SETBP1: variants seen among roughly 807,000 people sequenced by gnomAD.
The protein encoded by SETBP1 is SET binding protein 1, also known as SET-binding protein.
In SETBP1, 9 loss-of-function variants were observed where a neutral mutation model predicts 101.0. The ratio of observed to expected loss-of-function variants is 0.09; its 90% CI spans 0.05 to 0.16. SETBP1 has a LOEUF of 0.16. SETBP1 is among the 10% of genes least tolerant of loss of function. SETBP1 has a pLI of 1.00. For missense variants in SETBP1, 1,858 were observed against 2,033.8 expected, an observed-to-expected ratio of 0.91 and a Z score of 1.66; for synonymous variants, 818 against 788.5, an observed-to-expected ratio of 1.04 and a Z score of -0.63.
intron 3 of SETBP1, among the ~76,000 whole-genome samples, chr18:44,886,714 G>A (rs563011824): frequency 9.1e-4 from 137 of 150,880 alleles, no homozygotes; most frequent in South Asian, 4.2e-3. Flanking sequence ...CATTAGTTTG[G>A]CAATCACTTC....
At chr18:44,759,385 TC>T (rs796378022) in intron 2 of SETBP1, among the ~76,000 whole-genome samples, 1 of 152,158 alleles carries the variant, frequency 6.6e-6, no homozygotes, top group South Asian at 2.1e-4. Context: ...GCATAATCCC[TC>T]CCTGAAACCT....
At chr18:44,847,287 C>G (rs2072743901) in intron 2 of SETBP1, among the ~76,000 whole-genome samples, 1 of 152,216 alleles carries the variant, frequency 6.6e-6, no homozygotes, top group African/African-American at 2.4e-5. Context: ...CCAGAAGACA[C>G]TCAGGTCATG....
chr18:44,918,395 G>C (rs566408131), intron 3 of SETBP1, among the ~76,000 whole-genome samples: 1 of 152,292 alleles, frequency 6.6e-6, no homozygotes, highest in South Asian at 2.1e-4. Context: ...AGGCTTCCTC[G>C]GCAGCGGCCT....
chr18:44,881,997 G>A (rs1047471152), intron 3 of SETBP1, among the ~76,000 whole-genome samples: 2 of 152,154 alleles, frequency 1.3e-5, no homozygotes, highest in Non-Finnish European at 2.9e-5. Context: ...TGGGCGGAGA[G>A]ACTTGCCAAG....
chr18:44,938,006 C>T (rs1028497357), intron 3 of SETBP1, among the ~76,000 whole-genome samples: 5 of 152,210 alleles, frequency 3.3e-5, no homozygotes, highest in Non-Finnish European at 5.9e-5. Flanking sequence ...GATATTGTTT[C>T]GTCCTCAGCA....
At position 44,950,905 on chromosome 18, in the gene SETBP1, A is replaced by G. The variant is rs907059384; in HGVS notation, c.1565A>G (p.Gln522Arg). 6.2e-7 allele frequency: 1 copy of G among 1,614,168 alleles called. No homozygotes were observed. Among genetic ancestry groups the G allele is most frequent in the Non-Finnish European group, 8.5e-7 (1 of 1,180,034 alleles). The change falls in exon 4 of 6, where the codon CAG (glutamine) becomes CGG (arginine). Residue 522 changes from glutamine to arginine, a missense_variant. Gln to Arg is a conservative substitution (Grantham distance 43). Transcript: ENST00000649279. Reference protein sequence around the residue: ...HSPSRKLPEIQHPKFAAKRRW... With the variant: ...HSPSRKLPEIRHPKFAAKRRW... ...CCATCCAGAAAGCTGCCAGAAATCC[A>G]GCATCCAAAATTTGCTGCAAAACGA...
intron 4 of SETBP1, among the ~76,000 whole-genome samples, chr18:45,004,291 G>A (rs905038149): frequency 1.3e-5 from 2 of 152,222 alleles, no homozygotes; most frequent in Non-Finnish European, 2.9e-5. Flanking sequence ...GAATACTCCA[G>A]GTAGATGTTG....
intron 4 of SETBP1, among the ~76,000 whole-genome samples, chr18:44,980,556 C>G (rs2072091390): frequency 6.6e-6 from 1 of 152,026 alleles, no homozygotes; most frequent in African/African-American, 2.4e-5. Flanking sequence ...CTGAATAGCC[C>G]CGACCTCCCG....
At chr18:44,981,813 T>A (rs1455538356) in intron 4 of SETBP1, among the ~76,000 whole-genome samples, 2 of 152,218 alleles carry the variant, frequency 1.3e-5, no homozygotes, top group Admixed American at 6.5e-5. Context: ...TGATTTTTTT[T>A]AAGAAGCCCT....
intron 2 of SETBP1, among the ~76,000 whole-genome samples, chr18:44,866,516 C>T (rs1346514620): frequency 1.3e-5 from 2 of 152,308 alleles, no homozygotes; most frequent in African/African-American, 2.4e-5. Context: ...AGATAGAAGC[C>T]ATCGTCTTTT....
At chr18:44,790,998 TTGTAG>T (rs1174716126) in intron 2 of SETBP1, among the ~76,000 whole-genome samples, 5 of 152,216 alleles carry the variant, frequency 3.3e-5, no homozygotes, top group African/African-American at 7.2e-5. Flanking sequence ...CCCAATACTA[TTGTAG>T]ACCCTGGGAA....
At chr18:45,001,123 G>A (rs1372960854) in intron 4 of SETBP1, among the ~76,000 whole-genome samples, 3 of 152,096 alleles carry the variant, frequency 2.0e-5, no homozygotes, top group Admixed American at 2.0e-4. Flanking sequence ...CTAAATGCTT[G>A]CCCTACCAAG....
At chr18:44,884,935 GA>G (rs1471490549) in intron 3 of SETBP1, among the ~76,000 whole-genome samples, 1 of 152,064 alleles carries the variant, frequency 6.6e-6, no homozygotes, top group Non-Finnish European at 1.5e-5. Flanking sequence ...AAGTATTGTA[GA>G]AAATTTGGAA....
chr18:44,856,586 A>G (rs1224871586), intron 2 of SETBP1, among the ~76,000 whole-genome samples: 1 of 152,256 alleles, frequency 6.6e-6, no homozygotes, highest in African/African-American at 2.4e-5. Flanking sequence ...TATATCTTGA[A>G]ATAGGACAAG....
chr18:44,811,210 A>T (rs2071855667), intron 2 of SETBP1, among the ~76,000 whole-genome samples: 1 of 152,204 alleles, frequency 6.6e-6, no homozygotes, highest in Non-Finnish European at 1.5e-5. Context: ...TTTACTCATG[A>T]AGAGACAAAT....
At chr18:44,720,413 C>A (rs368667941) in intron 2 of SETBP1, among the ~76,000 whole-genome samples, 5 of 152,224 alleles carry the variant, frequency 3.3e-5, no homozygotes, top group African/African-American at 9.6e-5. Context: ...CTGTAGGTAT[C>A]CAACATATAT....
At chr18:45,044,057 T>C (rs188009889) in intron 5 of SETBP1, among the ~76,000 whole-genome samples, 9 of 152,348 alleles carry the variant, frequency 5.9e-5, no homozygotes, top group Admixed American at 4.6e-4. Context: ...TGTTGTTATG[T>C]TGAATGATGA....
chr18:44,985,009 C>T (rs1297090309), intron 4 of SETBP1, among the ~76,000 whole-genome samples: 2 of 152,072 alleles, frequency 1.3e-5, no homozygotes, highest in Non-Finnish European at 2.9e-5. Flanking sequence ...GTCGTGGTGG[C>T]GTGCGCCTAT....
At chr18:44,835,345 C>A (rs1425232535) in intron 2 of SETBP1, among the ~76,000 whole-genome samples, 1 of 152,102 alleles carries the variant, frequency 6.6e-6, no homozygotes, top group Non-Finnish European at 1.5e-5. Context: ...AAGGAGGCAG[C>A]GTCGTGTTTG....
Sources: allele counts gnomAD v4.1 joint callset (sites outside exome capture counted in the v4.1 genomes callset), GRCh38; gene constraint gnomAD v4.1.1; transcripts MANE v1.5; gene names NCBI Gene and HGNC (gene_info 2026-07-23, HGNC 2026-07-21).